The following ARMH4 variants were observed in gnomAD, a reference collection of about 807,000 sequenced individuals.
ARMH4 encodes the protein armadillo-like helical domain-containing protein 4.
ARMH4 carries 49 observed loss-of-function variants against 61.9 expected under a neutral mutation model. That is an observed-to-expected ratio of 0.79 (90% CI 0.63 to 1.00). ARMH4 has a LOEUF of 1.00. Among genes scored for constraint, ARMH4 ranks in the 50% least tolerant of loss-of-function variants. The pLI, the probability that ARMH4 is intolerant of heterozygous loss-of-function variation, is 0.00. For synonymous variants in ARMH4, 368 were observed against 341.5 expected (o/e 1.08, Z -0.85); for missense variants, 934 against 930.0 (o/e 1.00, Z -0.06).
chr14:58,121,353 A>G (rs1886715290), intron 4 of ARMH4, among the ~76,000 whole-genome samples: 1 of 152,214 alleles, frequency 6.6e-6, no homozygotes, highest in African/African-American at 2.4e-5. Context: ...CTGGCAAAAA[A>G]AAGGCACACA....
In ARMH4 at chr14:58,046,208, G is replaced by C. The variant is rs539609570; in HGVS notation, c.2090-34058C>G. On this transcript the variant is annotated intron_variant, in intron 5 of 7. Transcript: ENST00000267485. ...TGTAAATCCCACGGTAATGGACCAG[G>C]TTTCACAGGGCTTGATTCCATCTAG... Among the ~76,000 whole-genome samples the C allele has an allele frequency of 2.0e-5, 3 of 152,262 alleles. No individual in the cohort carries two copies. In the South Asian group the frequency reaches 6.2e-4, roughly 32 times the overall value.
Position 58,138,960 on chromosome 14 carries a change from T to C in ARMH4, c.399A>G (p.Arg133=). 6.2e-7 allele frequency: 1 copy of C among 1,614,216 alleles called. No homozygotes were observed. Residue 133 remains arginine (R), a synonymous_variant, in exon 2 of 8, where the codon AGA becomes AGG. Coordinates refer to ENST00000267485, the MANE Select transcript of ARMH4 (RefSeq NM_001001872.4). ...EEVFGSSQPE[R]ISPESGLAKA... ...TGGCAAGTCCACTTTCAGGAGATAT[T>C]CTCTCTGGCTGGCTGGAACCAAATA...
chr14:58,042,796 A>G (rs549644118), intron 5 of ARMH4, among the ~76,000 whole-genome samples: 1 of 152,342 alleles, frequency 6.6e-6, no homozygotes, highest in South Asian at 2.1e-4. Flanking sequence ...ACAAACTACC[A>G]TCAGAGAATA....
rs563998567 is a variant in ARMH4, at chr14:58,102,981, A to G, written c.1832-6000T>C. Among the ~76,000 whole-genome samples, 38 of 151,858 alleles carry G rather than the reference A, an allele frequency of 2.5e-4. 1 individual carries two copies. Among genetic ancestry groups the G allele is most frequent in the African/African-American group, 8.9e-4 (37 of 41,388 alleles). On this transcript the variant is annotated intron_variant, in intron 4 of 7. Coordinates refer to ENST00000267485, the MANE Select transcript of ARMH4 (RefSeq NM_001001872.4). ...AAACCTACTCTGTACTAAAAATACAAAATTAGCTGGACGTGGTGATGCATG... is the reference window on the plus strand; with the variant it reads ...AAACCTACTCTGTACTAAAAATACAGAATTAGCTGGACGTGGTGATGCATG...
At chr14:58,012,034 A>G (rs1882427258) in intron 6 of ARMH4, 85 bp downstream of exon 6, 1 of 954,192 alleles carries the variant, frequency 1.0e-6, no homozygotes, top group South Asian at 1.6e-5. Context: ...ATAATAAACC[A>G]AAGCCCTACT....
rs902816441 is a variant in ARMH4, at chr14:58,003,018, A to G, written c.*1718T>C. 4.1e-5 allele frequency: 6 copies of G among 147,930 alleles called. No homozygotes were observed. The highest frequency in any genetic ancestry group is 1.5e-4 in the African/African-American group (6 of 40,444). The allele number at this position is 147,930 out of a possible 1,614,324, so 9.2% of individuals were successfully genotyped here. On this transcript the variant is annotated 3_prime_UTR_variant, in exon 8 of 8. Transcript: ENST00000267485. ...ATTAGTTCCATAGAGGTGATACTCA[A>G]ATGTATGACTGTAAAGGAAATAACT...
chr14:58,026,305 T>G (rs544744362), intron 5 of ARMH4, among the ~76,000 whole-genome samples: 17 of 152,078 alleles, frequency 1.1e-4, no homozygotes, highest in Non-Finnish European at 2.2e-4. Context: ...AAAAAAAAAG[T>G]ATTTGCCTCC....
intron 5 of ARMH4, among the ~76,000 whole-genome samples, chr14:58,046,759 G>A (rs1883960384): frequency 1.3e-5 from 2 of 152,122 alleles, no homozygotes; most frequent in Non-Finnish European, 2.9e-5. Context: ...TCTTGCCCAG[G>A]TTTGAGAAAT....
At chr14:58,025,914 A>C (rs1883004756) in intron 5 of ARMH4, among the ~76,000 whole-genome samples, 2 of 152,124 alleles carry the variant, frequency 1.3e-5, no homozygotes, top group Admixed American at 1.3e-4. Context: ...ATTAATTCTG[A>C]AAGCTCTGCA....
Position 58,009,150 on chromosome 14 carries a change from T to G in ARMH4, c.2121+2969A>C, listed in dbSNP as rs189481995. Among the ~76,000 whole-genome samples the G allele has an allele frequency of 3.3e-5, 5 of 152,290 alleles. No individual in the cohort carries two copies. In the East Asian group the frequency reaches 9.7e-4, roughly 29 times the overall value. ...GACTGGGCACAAAATAAAAATGACT[T>G]CTTGCCTGCTGGGAAGCTGGGTACA... On this transcript the variant is annotated intron_variant, in intron 6 of 7. Coordinates refer to ENST00000267485, the MANE Select transcript of ARMH4 (RefSeq NM_001001872.4).
intron 4 of ARMH4, among the ~76,000 whole-genome samples, chr14:58,103,952 G>A (rs1350680344): frequency 1.3e-5 from 2 of 151,876 alleles, no homozygotes; most frequent in African/African-American, 4.8e-5. Context: ...TTAAAGTATA[G>A]AATTATAAAA....
At chr14:58,018,468 CA>C (rs71107905) in intron 5 of ARMH4, among the ~76,000 whole-genome samples, 77,714 of 143,398 alleles carry the variant, frequency 0.54, 20,299 homozygotes, top group East Asian at 0.67. Context: ...AGACATTTCT[CA>C]AAAAAAAAAA....
At chr14:58,139,793 G>C (rs1358987296) in intron 1 of ARMH4, among the ~76,000 whole-genome samples, 2 of 152,206 alleles carry the variant, frequency 1.3e-5, no homozygotes, top group East Asian at 3.8e-4. Context: ...GAAATAAAAA[G>C]TAAGTCTTAC....
rs1422922539 is a variant in ARMH4, at chr14:58,075,287, C to T, written c.2089+21437G>A. ...CCCAAAGGATTATAAATCATTCTAC[C>T]ATAAAGACTCATGCACACATATGTT... is the stretch of plus-strand genomic sequence containing the variant. On this transcript the variant is annotated intron_variant, in intron 5 of 7. Transcript: ENST00000267485. Among the ~76,000 whole-genome samples the T allele has an allele frequency of 2.6e-5, 4 of 152,062 alleles. 1 individual carries two copies. The highest frequency in any genetic ancestry group is 5.9e-5 in the Non-Finnish European group (4 of 68,004).
chr14:58,005,230 G>A (rs368232264), intron 6 of ARMH4, 48 bp from the exon 7 acceptor site: 31 of 1,608,700 alleles, frequency 1.9e-5, no homozygotes, highest in South Asian at 3.3e-5. Flanking sequence ...AGAGCGCGCC[G>A]CCCTGGGTTT....
At chr14:58,007,351 A>G (rs1458524421) in intron 6 of ARMH4, among the ~76,000 whole-genome samples, 1 of 152,158 alleles carries the variant, frequency 6.6e-6, no homozygotes, top group African/African-American at 2.4e-5. Context: ...TTATATTTAT[A>G]TTTGTAAATT....
intron 2 of ARMH4, 80 bp from the exon 3 acceptor site, chr14:58,133,421 T>C: frequency 6.0e-5 from 71 of 1,179,268 alleles, no homozygotes; most frequent in East Asian, 3.3e-4. Flanking sequence ...GATTAAAAAC[T>C]TGGGGGGAGG....
At chr14:58,105,455 G>T (rs989063693) in intron 4 of ARMH4, among the ~76,000 whole-genome samples, 1 of 152,198 alleles carries the variant, frequency 6.6e-6, no homozygotes, top group African/African-American at 2.4e-5. Context: ...GGAGGCCGAG[G>T]CAGGTGGATC....
At chr14:58,013,052 C>G (rs942124223) in intron 5 of ARMH4, among the ~76,000 whole-genome samples, 1 of 152,132 alleles carries the variant, frequency 6.6e-6, no homozygotes, top group Non-Finnish European at 1.5e-5. Context: ...ATTTTACCTT[C>G]ATTATCAAAC....
Sources: allele counts gnomAD v4.1 joint callset (sites outside exome capture counted in the v4.1 genomes callset), GRCh38; gene constraint gnomAD v4.1.1; transcripts MANE v1.5; gene names NCBI Gene and HGNC (gene_info 2026-07-23, HGNC 2026-07-21).